DAB1: variants seen among roughly 807,000 people sequenced by gnomAD.
The protein encoded by DAB1 is DAB adaptor protein 1.
A neutral mutation model predicts 64.6 loss-of-function variants in DAB1; 15 were observed. The observed-to-expected ratio is 0.23, with a 90% CI of 0.16 to 0.36. The LOEUF (loss-of-function observed/expected upper bound fraction) is 0.36. Among genes scored for constraint, DAB1 ranks in the 10% least tolerant of loss-of-function variants. The pLI is 1.00. For missense variants in DAB1, 596 were observed against 706.7 expected (o/e 0.84, Z 1.78); for synonymous variants, 235 against 251.9 (o/e 0.93, Z 0.64).
intron 3 of DAB1, among the ~76,000 whole-genome samples, chr1:58,405,277 C>T (rs1644604991): frequency 1.3e-5 from 2 of 152,216 alleles, no homozygotes; most frequent in Admixed American, 1.3e-4. Context: ...CCTTCCCTGA[C>T]CACCCTATTG....
intron 7 of DAB1, among the ~76,000 whole-genome samples, chr1:57,443,363 T>G (rs1686023229): frequency 6.6e-6 from 1 of 152,184 alleles, no homozygotes; most frequent in Non-Finnish European, 1.5e-5. Flanking sequence ...AAAAGAGATG[T>G]TGCTGGAAAC....
intron 1 of DAB1, among the ~76,000 whole-genome samples, chr1:57,838,036 C>T (rs1652889445): frequency 6.6e-6 from 1 of 151,992 alleles, no homozygotes; most frequent in Non-Finnish European, 1.5e-5. Flanking sequence ...CTGCTATAGG[C>T]ACTCTGCTAA....
chr1:58,197,076 T>C (rs889285510), intron 4 of DAB1, among the ~76,000 whole-genome samples: 1 of 152,194 alleles, frequency 6.6e-6, no homozygotes, highest in Admixed American at 6.5e-5. Flanking sequence ...CTTCTAGCTA[T>C]ATGCAGAGGA....
At chr1:58,359,878 A>G (rs1264284102) in intron 3 of DAB1, among the ~76,000 whole-genome samples, 5 of 152,240 alleles carry the variant, frequency 3.3e-5, no homozygotes, top group Admixed American at 2.0e-4. Context: ...ACCTAAGTTC[A>G]AAGCCCTGCT....
intron 5 of DAB1, among the ~76,000 whole-genome samples, chr1:58,078,982 T>C (rs1364517482): frequency 6.6e-6 from 1 of 152,208 alleles, no homozygotes; most frequent in African/African-American, 2.4e-5. Context: ...GAGAGCAGGC[T>C]GATGAGAATA....
intron 6 of DAB1, among the ~76,000 whole-genome samples, chr1:57,704,844 ACTCTAAAATGCCCTTG>A (rs1646946618): frequency 7.5e-6 from 1 of 133,728 alleles, no homozygotes; most frequent in African/African-American, 2.7e-5. Context: ...AGTTGATGTG[ACTCTAAAATGCCCTTG>A]CTCTTTGGGA....
chr1:57,846,642 T>C (rs1262895261), intron 1 of DAB1, among the ~76,000 whole-genome samples: 1 of 152,186 alleles, frequency 6.6e-6, no homozygotes, highest in Non-Finnish European at 1.5e-5. Flanking sequence ...CTGTTCCCAT[T>C]GTACCAATGA....
At chr1:57,006,123 G>A (rs906149519) in intron 14 of DAB1, among the ~76,000 whole-genome samples, 6 of 152,148 alleles carry the variant, frequency 3.9e-5, no homozygotes, top group Admixed American at 3.9e-4. Flanking sequence ...TGGCCCACAA[G>A]GCACACATAT....
At chr1:57,365,944 A>G (rs911794081) in intron 1 of DAB1, among the ~76,000 whole-genome samples, 23 of 152,228 alleles carry the variant, frequency 1.5e-4, no homozygotes, top group Middle Eastern at 6.8e-3. Context: ...AGCCTCTCCA[A>G]TTTTCCCCTT....
At chr1:57,979,924 C>T (rs535926931) in intron 5 of DAB1, among the ~76,000 whole-genome samples, 1 of 152,226 alleles carries the variant, frequency 6.6e-6, no homozygotes, top group South Asian at 2.1e-4. Flanking sequence ...TCTATAATTC[C>T]TCTATTTTAT....
intron 5 of DAB1, among the ~76,000 whole-genome samples, chr1:57,926,110 A>C (rs1326912468): frequency 6.6e-6 from 1 of 152,204 alleles, no homozygotes; most frequent in Non-Finnish European, 1.5e-5. Context: ...TTGCTCTGCC[A>C]CTGAGACTAT....
chr1:58,133,126 A>G (rs1199682019), intron 5 of DAB1, among the ~76,000 whole-genome samples: 1 of 152,186 alleles, frequency 6.6e-6, no homozygotes, highest in African/African-American at 2.4e-5. Flanking sequence ...ATGGTTTTGG[A>G]AGTGGCCTAG....
At chr1:57,150,690 G>A (rs1659571973) in intron 2 of DAB1, among the ~76,000 whole-genome samples, 2 of 152,176 alleles carry the variant, frequency 1.3e-5, no homozygotes, top group Admixed American at 6.5e-5. Flanking sequence ...AGGAGAGATG[G>A]CATTTGAGTA....
chr1:57,119,158 G>A (rs1656414137), intron 4 of DAB1, among the ~76,000 whole-genome samples: 1 of 152,022 alleles, frequency 6.6e-6, no homozygotes, highest in South Asian at 2.1e-4. Flanking sequence ...TTACATACAG[G>A]GCAGTTCCCT....
chr1:58,464,009 G>A (rs338252), intron 3 of DAB1, among the ~76,000 whole-genome samples: 132,761 of 152,224 alleles, frequency 0.87, 58,628 homozygotes, highest in African/African-American at 0.95. Flanking sequence ...CCAGCCAGAG[G>A]GGTCAAGGAA....
rs541149152 is a variant in DAB1, at chr1:57,398,294, G to C, written c.-137+25636C>G. ...AACTAGAACATGGGGCCTTATGTGA[G>C]TGCCCTCGAGCACAGAGGGAGAGCC... On this transcript the variant is annotated intron_variant, in intron 1 of 14. Coordinates refer to ENST00000371236, the MANE Select transcript of DAB1 (RefSeq NM_001365792.1). Among the ~76,000 whole-genome samples the C allele has an allele frequency of 6.6e-5, 10 of 152,238 alleles. No individual in the cohort carries two copies. In the East Asian group the frequency reaches 1.4e-3, roughly 21 times the overall value.
chr1:57,477,058 A>AC (rs777147782), intron 7 of DAB1, among the ~76,000 whole-genome samples: 1 of 152,256 alleles, frequency 6.6e-6, no homozygotes, highest in Non-Finnish European at 1.5e-5. Context: ...TATACCTGGC[A>AC]CATAGTAAAA....
At chr1:57,293,977 T>C (rs1672990254) in intron 1 of DAB1, among the ~76,000 whole-genome samples, 1 of 152,196 alleles carries the variant, frequency 6.6e-6, no homozygotes, top group South Asian at 2.1e-4. Context: ...ACCATCATTC[T>C]GAATAAAAAC....
chr1:58,447,992 G>C (rs916631892), intron 3 of DAB1, among the ~76,000 whole-genome samples: 1 of 152,022 alleles, frequency 6.6e-6, no homozygotes, highest in Non-Finnish European at 1.5e-5. Context: ...CGGGGGAATG[G>C]CATGTCCTTT....
Sources: gnomAD v4.1 joint callset for allele counts (sites outside exome capture counted in the v4.1 genomes callset) on GRCh38, gnomAD v4.1.1 for gene constraint, MANE v1.5 for transcripts, NCBI Gene and HGNC (gene_info 2026-07-23, HGNC 2026-07-21) for gene names.